NAF1: variants seen among roughly 807,000 people sequenced by gnomAD.
NAF1 encodes the protein nuclear assembly factor 1 ribonucleoprotein.
Under a neutral mutation model 40.6 loss-of-function variants are expected in NAF1, and 11 were observed. The ratio of observed to expected loss-of-function variants is 0.27; its 90% CI spans 0.17 to 0.45. NAF1 has a LOEUF of 0.45. NAF1 is among the 20% of genes least tolerant of loss of function. The pLI, the probability that NAF1 is intolerant of heterozygous loss-of-function variation, is 1.00. For missense variants in NAF1, 607 were observed against 611.1 expected, an observed-to-expected ratio of 0.99 and a Z score of 0.07; for synonymous variants, 260 against 228.5, an observed-to-expected ratio of 1.14 and a Z score of -1.24.
At chr4:163,111,994 T>C (rs1357665999) in intron 2 of NAF1, among the ~76,000 whole-genome samples, 1 of 152,114 alleles carries the variant, frequency 6.6e-6, no homozygotes, top group African/African-American at 2.4e-5. Context: ...CAGTTTCCAC[T>C]AATGGAGGGG....
downstream of NAF1, among the ~76,000 whole-genome samples, chr4:163,106,600 T>G (rs1730053378): frequency 6.6e-6 from 1 of 152,074 alleles, no homozygotes; most frequent in Non-Finnish European, 1.5e-5. Flanking sequence ...TTTTTATTTC[T>G]GTATTTTTCT....
intron 2 of NAF1, among the ~76,000 whole-genome samples, chr4:163,153,565 G>C (rs546620442): frequency 2.7e-5 from 4 of 149,770 alleles, no homozygotes; most frequent in Admixed American, 2.7e-4. Context: ...CAAGGTTTGT[G>C]AATGCACCAA....
chr4:163,109,547 T>C (rs560882976), downstream of NAF1, among the ~76,000 whole-genome samples: 7 of 152,292 alleles, frequency 4.6e-5, no homozygotes, highest in East Asian at 1.3e-3. Context: ...AAAAATCCTC[T>C]TGTGAGGTTA....
chr4:163,114,028 GGA>G, intron 2 of NAF1, among the ~76,000 whole-genome samples: 1 of 152,252 alleles, frequency 6.6e-6, no homozygotes, highest in East Asian at 1.9e-4. Flanking sequence ...CATGTGAAAA[GGA>G]GGTTTACCAC....
chr4:163,142,264 C>T (rs1351433772), intron 4 of NAF1, among the ~76,000 whole-genome samples: 1 of 152,208 alleles, frequency 6.6e-6, no homozygotes, highest in Non-Finnish European at 1.5e-5. Flanking sequence ...TTAATTCTCT[C>T]ACATATACAC....
chr4:163,117,734 C>A (rs1730392340), intron 2 of NAF1, among the ~76,000 whole-genome samples: 1 of 139,978 alleles, frequency 7.1e-6, no homozygotes, highest in Non-Finnish European at 1.6e-5. Context: ...AATACATCAT[C>A]CATTATTCGT....
Position 163,133,338 on chromosome 4 carries a change from A to G in NAF1, c.931-82T>C. 3.0e-6 allele frequency: 3 copies of G among 1,014,816 alleles called. No homozygotes were observed. In the South Asian group the frequency reaches 4.6e-5, roughly 15 times the overall value. The allele number at this position is 1,014,816 out of a possible 1,614,324, so 62.9% of individuals were successfully genotyped here. On this transcript the variant is annotated intron_variant, in intron 6 of 7. Transcript: ENST00000274054. The stretch of plus-strand genomic sequence containing the variant: ...TACATACTTGGAGGTGAAGAAAATA[A>G]GCCTATTATGCATCAATGACTCTAA...
intron 2 of NAF1, among the ~76,000 whole-genome samples, chr4:163,158,001 A>G (rs1732058305): frequency 1.3e-5 from 2 of 152,152 alleles, no homozygotes; most frequent in Admixed American, 6.5e-5. Flanking sequence ...ATGACTTTCT[A>G]AAGTAAAATT....
chr4:163,133,926 C>T (rs797019742), intron 6 of NAF1, among the ~76,000 whole-genome samples: 8 of 152,174 alleles, frequency 5.3e-5, no homozygotes, highest in South Asian at 2.1e-4. Context: ...TACAGGCGCA[C>T]GCCACCATGC....
At chr4:163,121,365 G>C (rs1730513844) in intron 2 of NAF1, among the ~76,000 whole-genome samples, 1 of 151,778 alleles carries the variant, frequency 6.6e-6, no homozygotes, top group Non-Finnish European at 1.5e-5. Context: ...AAAATGAGAA[G>C]TAAAAAAAAA....
chr4:163,166,861 G>GT lies in NAF1; in HGVS notation c.-135dup. 1 of 1,217,932 alleles carries GT rather than the reference G, an allele frequency of 8.2e-7. No individual in the cohort carries two copies. The highest frequency in any genetic ancestry group is 1.6e-5 in the South Asian group (1 of 62,718). 75.4% of individuals were successfully genotyped at this position (1,217,932 alleles called of 1,614,324 possible). Reference sequence around the variant, plus strand: ...GGGCCCAACTTCCCGCGTTTCTCAGGTAACTACACGCGGAGGAGCCAAAAG... The same window carrying GT: ...GGGCCCAACTTCCCGCGTTTCTCAGGTTAACTACACGCGGAGGAGCCAAAAG... On this transcript the variant is annotated 5_prime_UTR_variant, in exon 1 of 8. Coordinates refer to ENST00000274054, the MANE Select transcript of NAF1 (RefSeq NM_138386.3).
At chr4:163,132,746 TCTC>T (rs1410927986) in intron 7 of NAF1, among the ~76,000 whole-genome samples, 3 of 152,342 alleles carry the variant, frequency 2.0e-5, no homozygotes, top group Admixed American at 6.5e-5. Flanking sequence ...ATACAGCACC[TCTC>T]CTATTATTTT....
At chr4:163,147,230 T>A (rs1400026968) in intron 3 of NAF1, among the ~76,000 whole-genome samples, 1 of 152,160 alleles carries the variant, frequency 6.6e-6, no homozygotes, top group Non-Finnish European at 1.5e-5. Context: ...TTTAAAAATA[T>A]CAATATAGAC....
downstream of NAF1, chr4:163,128,577 C>T: frequency 4.1e-6 from 1 of 242,898 alleles, no homozygotes; most frequent in Admixed American, 6.5e-5. Flanking sequence ...TATATTTTAC[C>T]CATGATGAAA....
At chr4:163,146,512 A>G (rs1217562056) in intron 3 of NAF1, among the ~76,000 whole-genome samples, 3 of 152,208 alleles carry the variant, frequency 2.0e-5, no homozygotes, top group Non-Finnish European at 4.4e-5. Context: ...CACACTCTCA[A>G]TAAGTTTTTA....
chr4:163,145,843 T>G lies in NAF1; in HGVS notation c.656A>C (p.Asn219Thr). 6.4e-7 allele frequency: 1 copy of G among 1,556,160 alleles called. No homozygotes were observed. Among genetic ancestry groups the G allele is most frequent in the Non-Finnish European group, 8.8e-7 (1 of 1,134,372 alleles). ...AGTCTCCTCATTAACTGGAGGTAGG[T>G]TAGTCATAGATTCAATTATTACTGA... is the stretch of plus-strand genomic sequence containing the variant. The part of the protein sequence containing the change: ...EQLVIIESMT[N>T]LPPVNEETVI... Residue 219 changes from asparagine to threonine, a missense_variant, in exon 4 of 8, where the codon AAC (asparagine) becomes ACC (threonine). Asn to Thr is a moderately conservative substitution (Grantham distance 65, BLOSUM62 0). Around this residue, in one of 3 missense-constraint regions of NAF1, gnomAD observed 407 missense variants for 365.5 expected, o/e 1.11. Transcript: ENST00000274054.
chr4:163,112,210 T>TTC (rs1213859472), intron 2 of NAF1, among the ~76,000 whole-genome samples: 2 of 151,586 alleles, frequency 1.3e-5, no homozygotes, highest in Admixed American at 1.3e-4. Context: ...ATTGCTAGAG[T>TTC]TCTCTCTCTC....
At chr4:163,124,530 A>C (rs1730600053), downstream of NAF1, among the ~76,000 whole-genome samples, 1 of 152,142 alleles carries the variant, frequency 6.6e-6, no homozygotes, top group Non-Finnish European at 1.5e-5. Context: ...GTTATACTTT[A>C]TTGTTTAGGG....
intron 2 of NAF1, among the ~76,000 whole-genome samples, chr4:163,121,025 G>A (rs1209452101): frequency 6.6e-6 from 1 of 151,898 alleles, no homozygotes; most frequent in African/African-American, 2.4e-5. Flanking sequence ...CCGAGTAGCT[G>A]GAATTACAGG....
Sources: gnomAD v4.1 joint callset for allele counts (sites outside exome capture counted in the v4.1 genomes callset) on GRCh38, gnomAD v4.1.1 for gene constraint, gnomAD v4.1.1 regional missense constraint, MANE v1.5 for transcripts, NCBI Gene and HGNC (gene_info 2026-07-23, HGNC 2026-07-21) for gene names.